RYR2: variants seen among roughly 807,000 people sequenced by gnomAD.
RYR2 encodes ryanodine receptor 2.
In RYR2, 227 loss-of-function variants were observed where a neutral mutation model predicts 601.1. The observed-to-expected ratio is 0.38, with a 90% CI of 0.34 to 0.42. The LOEUF is 0.42. Among genes scored for constraint, RYR2 ranks in the 10% least tolerant of loss-of-function variants. The pLI is 1.00. For missense variants in RYR2, 4,646 were observed against 6,156.5 expected (o/e 0.75, Z 8.21); for synonymous variants, 2,223 against 2,175.1 (o/e 1.02, Z -0.61).
At chr1:237,600,849 A>G (rs1676425900) in intron 34 of RYR2, among the ~76,000 whole-genome samples, 1 of 152,248 alleles carries the variant, frequency 6.6e-6, no homozygotes, top group Admixed American at 6.5e-5. Flanking sequence ...AACATGCTCA[A>G]CATCACTAAT....
At position 237,828,380 on chromosome 1, in the gene RYR2, G is replaced by A; in HGVS notation, c.14591-1G>A. 6.5e-7 allele frequency: 1 copy of A among 1,550,384 alleles called. No individual in the cohort carries two copies. Among genetic ancestry groups the A allele is most frequent in the Non-Finnish European group, 8.8e-7 (1 of 1,141,852 alleles). ...TAAATTGTGTTTTTATTTAACACCA[G>A]GTCTAATTATTGATGCTTTTGGAGA... On this transcript the variant is annotated splice_acceptor_variant, in intron 101 of 104. Coordinates refer to ENST00000366574, the MANE Select transcript of RYR2 (RefSeq NM_001035.3). LOFTEE classifies it high-confidence loss of function.
rs4512635 is a variant in RYR2, at chr1:237,454,119, T to A, written c.1293-272T>A. On this transcript the variant is annotated intron_variant, in intron 14 of 104. Coordinates refer to ENST00000366574, the MANE Select transcript of RYR2 (RefSeq NM_001035.3). ...AAATCAACTGGTTTCTGAACATTCC[T>A]ACTATTGGTTTTGTAGACACTGTTC... Among the ~76,000 whole-genome samples, 79,347 of 151,570 alleles carry A rather than the reference T, an allele frequency of 0.52. 22,206 individuals are homozygous for A. The highest frequency in any genetic ancestry group is 0.8 in the East Asian group (4,077 of 5,126).
At chr1:237,627,681 A>T in intron 40 of RYR2, 126 bp from the exon 41 acceptor site, 1 of 927,588 alleles carries the variant, frequency 1.1e-6, no homozygotes, top group Non-Finnish European at 1.6e-6. Context: ...AAGAATATCT[A>T]GAGCCTTTTC....
chr1:237,319,633 A>G (rs1410466855), intron 2 of RYR2, among the ~76,000 whole-genome samples: 2 of 152,190 alleles, frequency 1.3e-5, no homozygotes, highest in Non-Finnish European at 2.9e-5. Flanking sequence ...CTTAGAGTTC[A>G]GGTAATGATG....
intron 1 of RYR2, among the ~76,000 whole-genome samples, chr1:237,100,876 TG>T (rs1281378212): frequency 1.3e-5 from 2 of 152,156 alleles, no homozygotes; most frequent in Non-Finnish European, 2.9e-5. Flanking sequence ...GGCCCCCTTC[TG>T]CCCTGGTCTC....
intron 12 of RYR2, among the ~76,000 whole-genome samples, 197 bp from the exon 13 acceptor site, chr1:237,441,122 T>C (rs980776687): frequency 2.6e-5 from 4 of 152,114 alleles, no homozygotes; most frequent in Admixed American, 2.6e-4. Context: ...ATGGCAAAAA[T>C]AGTGTTTTAC....
chr1:237,649,828 T>A (rs561039720), intron 49 of RYR2, 49 bp from the exon 50 acceptor site: 1 of 1,538,168 alleles, frequency 6.5e-7, no homozygotes, highest in South Asian at 1.2e-5. Flanking sequence ...CTTTGAAGAT[T>A]ATCTACTGCC....
At position 237,783,736 on chromosome 1, in the gene RYR2, C is replaced by T; in HGVS notation, c.12024C>T (p.Asn4008=). The T allele has an allele frequency of 6.2e-7, 1 of 1,612,304 alleles. No individual in the cohort carries two copies. The highest frequency in any genetic ancestry group is 8.5e-7 in the Non-Finnish European group (1 of 1,179,016). Residue 4008 remains asparagine (N), a synonymous_variant, in exon 90 of 105, where the codon AAC becomes AAT. Coordinates refer to ENST00000366574, the MANE Select transcript of RYR2 (RefSeq NM_001035.3). ...QMVDMLVESS[N]NVEMILKFFD... ...TGGATATGCTTGTGGAATCTTCCAA[C>T]AACGTGGAGATGATTCTCAAATTTT...
In RYR2 at chr1:237,757,667, T is replaced by C. The variant is rs373056551; in HGVS notation, c.11246-30T>C. 3.5e-6 allele frequency: 5 copies of C among 1,437,366 alleles called. 1 individual carries two copies. The highest frequency in any genetic ancestry group is 3.9e-6 in the Non-Finnish European group (4 of 1,019,210). The allele number at this position is 1,437,366 out of a possible 1,614,324, so 89.0% of individuals were successfully genotyped here. ...GGTTAATATAGAAGGCGAAATGATA[T>C]AAGGAACACTACTTTTTTATATTTC... On this transcript the variant is annotated intron_variant, in intron 81 of 104. Coordinates refer to ENST00000366574, the MANE Select transcript of RYR2 (RefSeq NM_001035.3).
intron 2 of RYR2, among the ~76,000 whole-genome samples, chr1:237,320,696 C>G (rs1250937885): frequency 6.6e-6 from 1 of 152,184 alleles, no homozygotes; most frequent in Non-Finnish European, 1.5e-5. Context: ...TATTGTATCT[C>G]CTATGGAAGT....
At chr1:237,565,224 T>G (rs1186483426) in intron 27 of RYR2, among the ~76,000 whole-genome samples, 1 of 145,842 alleles carries the variant, frequency 6.9e-6, no homozygotes, top group Non-Finnish European at 1.5e-5. Context: ...TCTTTCTTTC[T>G]TTTGTCTTTC....
chr1:237,045,220 T>C (rs1660430661), intron 1 of RYR2, among the ~76,000 whole-genome samples: 2 of 152,222 alleles, frequency 1.3e-5, no homozygotes, highest in African/African-American at 2.4e-5. Context: ...AGGCATCTTT[T>C]TGACCACTGT....
intron 12 of RYR2, among the ~76,000 whole-genome samples, chr1:237,424,048 AGAACTCACTCACTGTCAGGG>A (rs1705867576): frequency 6.6e-6 from 1 of 152,140 alleles, no homozygotes; most frequent in Non-Finnish European, 1.5e-5. Context: ...AGGTCTCACG[AGAACTCACTCACTGTCAGGG>A]GAACAGCATG....
intron 24 of RYR2, among the ~76,000 whole-genome samples, chr1:237,529,797 A>ACACACC (rs1275409100): frequency 1.8e-3 from 269 of 149,844 alleles, no homozygotes; most frequent in Non-Finnish European, 3.0e-3. Context: ...ACACACACAC[A>ACACACC]CCACGTATAT....
chr1:237,099,824 ATAT>A (rs200002421), intron 1 of RYR2, among the ~76,000 whole-genome samples: 4,912 of 145,440 alleles, frequency 0.034, 100 homozygotes, highest in Admixed American at 0.053. Context: ...CTTTCCCCAA[ATAT>A]TATGAGGTAG....
intron 1 of RYR2, among the ~76,000 whole-genome samples, chr1:237,054,287 C>T (rs1245355619): frequency 3.6e-5 from 5 of 140,312 alleles, no homozygotes; most frequent in Non-Finnish European, 6.4e-5. Context: ...TCCTCCCTCC[C>T]TCCCTTCCTC....
intron 40 of RYR2, among the ~76,000 whole-genome samples, chr1:237,626,299 A>C (rs997519077): frequency 2.0e-5 from 3 of 152,116 alleles, no homozygotes; most frequent in Admixed American, 2.0e-4. Flanking sequence ...TGGGCACAGC[A>C]CTCTGAGTAG....
rs1401322778 is a variant in RYR2 at position 237,610,788 on chromosome 1, A to G, written c.4710A>G (p.Leu1570=). Residue 1570 remains leucine (L), a synonymous_variant, in exon 36 of 105, where the codon TTA becomes TTG. Coordinates refer to ENST00000366574, the MANE Select transcript of RYR2 (RefSeq NM_001035.3). The surrounding 1 kb of genome is among the most constrained non-coding windows in gnomAD (Gnocchi z 4.9). ...ATGTGATGCCTCTCTCGGCGGGATT[A>G]TTCAAGAGTGAGCACAAGAACCCCG... The part of the protein sequence containing the change: ...IKNVMPLSAG[L]FKSEHKNPVP... 2.5e-6 allele frequency: 4 copies of G among 1,607,682 alleles called. No homozygotes were observed. The highest frequency in any genetic ancestry group is 4.5e-5 in the East Asian group (2 of 44,614).
intron 5 of RYR2, among the ~76,000 whole-genome samples, chr1:237,365,735 T>C (rs1348907785): frequency 1.3e-5 from 2 of 152,250 alleles, no homozygotes; most frequent in Admixed American, 6.5e-5. Context: ...TATCATCTCA[T>C]TCTTAATTCA....
Sources: gnomAD v4.1 joint callset for allele counts (sites outside exome capture counted in the v4.1 genomes callset) on GRCh38, gnomAD v4.1.1 for gene constraint, Gnocchi (gnomAD v3.1) non-coding constraint, MANE v1.5 for transcripts, NCBI Gene and HGNC (gene_info 2026-07-23, HGNC 2026-07-21) for gene names.